CDC42SE2: variants seen among roughly 807,000 people sequenced by gnomAD.
The protein encoded by CDC42SE2 is CDC42 small effector protein 2.
CDC42SE2 carries 3 observed loss-of-function variants against 11.5 expected under a neutral mutation model. That is an observed-to-expected ratio of 0.26 (90% confidence interval 0.12 to 0.67). The LOEUF (loss-of-function observed/expected upper bound fraction) is 0.67. Ranked by LOEUF, CDC42SE2 falls within the 30% of genes least tolerant of loss-of-function variation. The pLI, the probability that CDC42SE2 is intolerant of heterozygous loss-of-function variation, is 0.80. For synonymous variants in CDC42SE2, 33 were observed against 34.8 expected (o/e 0.95, Z 0.18); for missense variants, 82 against 106.8 (o/e 0.77, Z 1.02).
rs1750775919 is a variant in CDC42SE2, at chr5:131,394,120, T to C, written c.*3029T>C. The C allele has an allele frequency of 6.6e-6, 1 of 152,354 alleles. No individual in the cohort carries two copies. The highest frequency in any genetic ancestry group is 2.4e-5 in the African/African-American group (1 of 41,458). 9.4% of individuals were successfully genotyped at this position (152,354 alleles called of 1,614,324 possible). A position where few individuals can be genotyped will look rare whatever the true frequency, so the allele number is the denominator to read the frequency against. ...GGGGTTGTAAATCTCAAGAGGTCAT[T>C]TGTTCCCCATAGCAGCATATCTCAT... is the stretch of plus-strand genomic sequence containing the variant. On this transcript the variant is annotated 3_prime_UTR_variant, in exon 5 of 5. Transcript: ENST00000505065.
rs922144197 is a variant in CDC42SE2, at chr5:131,279,037, G to T, written c.-455+14871G>T. Among the ~76,000 whole-genome samples the T allele has an allele frequency of 2.0e-5, 3 of 151,706 alleles. No homozygotes were observed. In the East Asian group the frequency reaches 5.9e-4, roughly 30 times the overall value. On this transcript the variant is annotated intron_variant, in intron 1 of 4. Coordinates refer to ENST00000505065, the MANE Select transcript of CDC42SE2 (RefSeq NM_001375635.1). ...CAACCTCAAGTGATGCGCATGCCTC[G>T]ATCTCCCAAAGCTCTGGGATTACAG...
intron 1 of CDC42SE2, among the ~76,000 whole-genome samples, chr5:131,248,204 A>T (rs1256129164): frequency 6.6e-6 from 1 of 151,790 alleles, no homozygotes; most frequent in East Asian, 1.9e-4. Context: ...CAGTGGCGCG[A>T]TCCCAGCTCA....
the CDC42SE2 span, among the ~76,000 whole-genome samples, chr5:131,216,142 T>G: frequency 6.6e-6 from 1 of 152,324 alleles, no homozygotes; most frequent in East Asian, 1.9e-4. Flanking sequence ...CTGATTGGTT[T>G]ATGGCTTAGG....
chr5:131,308,553 G>A (rs1216009010), intron 1 of CDC42SE2, among the ~76,000 whole-genome samples: 25 of 151,756 alleles, frequency 1.6e-4, no homozygotes, highest in African/African-American at 5.3e-4. Context: ...CCATTTTCAC[G>A]ATATTGATTC....
At chr5:131,367,911 A>G (rs899465314) in intron 3 of CDC42SE2, among the ~76,000 whole-genome samples, 2 of 152,082 alleles carry the variant, frequency 1.3e-5, no homozygotes, top group African/African-American at 2.4e-5. Context: ...GGATTTAATT[A>G]TATTTATTTT....
intron 1 of CDC42SE2, among the ~76,000 whole-genome samples, chr5:131,282,096 G>C (rs1757247885): frequency 6.6e-6 from 1 of 152,142 alleles, no homozygotes; most frequent in East Asian, 1.9e-4. Flanking sequence ...TGTCTAAGGA[G>C]GAGAGTAGTT....
At position 131,365,060 on chromosome 5, in the gene CDC42SE2, C is replaced by T. The variant is rs139742186; in HGVS notation, c.54+5513C>T. On this transcript the variant is annotated intron_variant, in intron 3 of 4. Coordinates refer to ENST00000505065, the MANE Select transcript of CDC42SE2 (RefSeq NM_001375635.1). ...ATCCCAGCACTTTGGGAGGCCGAGG[C>T]GGGCTGATTACCTGAGGTCAGGAGT... Among the ~76,000 whole-genome samples the T allele has an allele frequency of 4.2e-3, 633 of 152,230 alleles. 4 individuals carry two copies. Among genetic ancestry groups the T allele is most frequent in the African/African-American group, 0.013 (543 of 41,528 alleles).
At chr5:131,266,264 CTA>C (rs1756859559) in intron 1 of CDC42SE2, among the ~76,000 whole-genome samples, 3 of 152,024 alleles carry the variant, frequency 2.0e-5, no homozygotes, top group Non-Finnish European at 4.4e-5. Context: ...GGAATCCAGA[CTA>C]ATGTGATCCA....
chr5:131,392,762 A>ACTT lies in CDC42SE2; in HGVS notation c.*1675_*1677dup, dbSNP rs1750701511. 1 of 152,040 alleles carries ACTT rather than the reference A, an allele frequency of 6.6e-6. No homozygotes were observed. Among genetic ancestry groups the ACTT allele is most frequent in the African/African-American group, 2.4e-5 (1 of 41,312 alleles). The allele number at this position is 152,040 out of a possible 1,614,324, so 9.4% of individuals were successfully genotyped here. A position where few individuals can be genotyped will look rare whatever the true frequency, so the allele number is the denominator to read the frequency against. On this transcript the variant is annotated 3_prime_UTR_variant, in exon 5 of 5. Transcript: ENST00000505065. The stretch of plus-strand genomic sequence containing the variant: ...TTTGTGCACTCATTCTTTTATTTTT[A>ACTT]CTTCTTTTTAATGTTATGGTATCCA...
intron 1 of CDC42SE2, among the ~76,000 whole-genome samples, chr5:131,280,030 G>A (rs1242461926): frequency 2.6e-5 from 4 of 152,184 alleles, no homozygotes; most frequent in Admixed American, 2.6e-4. Context: ...TCACACCACT[G>A]CACTCCAGCC....
At chr5:131,343,549 C>T (rs1168564084) in intron 2 of CDC42SE2, among the ~76,000 whole-genome samples, 2 of 152,018 alleles carry the variant, frequency 1.3e-5, no homozygotes, top group Non-Finnish European at 2.9e-5. Context: ...CCCATCTCTA[C>T]TAAAAATACA....
chr5:131,312,639 G>C lies in CDC42SE2; in HGVS notation c.-454-3337G>C, dbSNP rs766905118. Among the ~76,000 whole-genome samples, 67 of 152,318 alleles carry C rather than the reference G, an allele frequency of 4.4e-4. 1 individual carries two copies. Among genetic ancestry groups the C allele is most frequent in the Non-Finnish European group, 9.3e-4 (63 of 68,034 alleles). On this transcript the variant is annotated intron_variant, in intron 1 of 4. Coordinates refer to ENST00000505065, the MANE Select transcript of CDC42SE2 (RefSeq NM_001375635.1). ...CGAGCCAGGCGCGGGATATAATCTCGTGGTGCGCTGTTTTTTAAGCCCCTC... is the reference window on the plus strand; with the variant it reads ...CGAGCCAGGCGCGGGATATAATCTCCTGGTGCGCTGTTTTTTAAGCCCCTC...
At chr5:131,312,588 C>T (rs1047660805) in intron 1 of CDC42SE2, among the ~76,000 whole-genome samples, 11 of 152,222 alleles carry the variant, frequency 7.2e-5, no homozygotes, top group East Asian at 1.9e-4. Context: ...TAGCAATCAG[C>T]GATACTCCGT....
At chr5:131,212,898 A>G in the CDC42SE2 span, among the ~76,000 whole-genome samples, 1 of 152,166 alleles carries the variant, frequency 6.6e-6, no homozygotes, top group South Asian at 2.1e-4. Flanking sequence ...TATAAAAAAA[A>G]ATAATAATCC....
chr5:131,219,873 G>T, the CDC42SE2 span, among the ~76,000 whole-genome samples: 13 of 152,108 alleles, frequency 8.5e-5, no homozygotes, highest in Admixed American at 7.9e-4. Context: ...GGGGGCAGAG[G>T]TTGCAGTGAG....
chr5:131,250,886 A>G (rs187727782), intron 1 of CDC42SE2, among the ~76,000 whole-genome samples: 1 of 152,288 alleles, frequency 6.6e-6, no homozygotes, highest in Non-Finnish European at 1.5e-5. Flanking sequence ...CTTAAAAAAT[A>G]CTATGGTAAT....
chr5:131,326,767 T>C (rs962364272), intron 2 of CDC42SE2, among the ~76,000 whole-genome samples: 2 of 152,116 alleles, frequency 1.3e-5, no homozygotes, highest in African/African-American at 2.4e-5. Flanking sequence ...AATTTTGTTA[T>C]ATTTATTTTT....
At chr5:131,355,366 A>G (rs1284501195) in intron 2 of CDC42SE2, among the ~76,000 whole-genome samples, 1 of 152,076 alleles carries the variant, frequency 6.6e-6, no homozygotes, top group Non-Finnish European at 1.5e-5. Flanking sequence ...AGTCCCAGCT[A>G]CTTCGGAGGC....
At chr5:131,299,160 G>C (rs1757630949) in intron 1 of CDC42SE2, among the ~76,000 whole-genome samples, 1 of 152,180 alleles carries the variant, frequency 6.6e-6, no homozygotes, top group Non-Finnish European at 1.5e-5. Flanking sequence ...AAATGGTAAA[G>C]GCCCTGAGAA....
Sources: gnomAD v4.1 joint callset for allele counts (sites outside exome capture counted in the v4.1 genomes callset) on GRCh38, gnomAD v4.1.1 for gene constraint, MANE v1.5 for transcripts, NCBI Gene and HGNC (gene_info 2026-07-23, HGNC 2026-07-21) for gene names.